IFI44L: variants seen among roughly 807,000 people sequenced by gnomAD.
IFI44L encodes the protein interferon-induced protein 44-like.
In IFI44L, 40 loss-of-function variants were observed where a neutral mutation model predicts 39.3. That is an observed-to-expected ratio of 1.02 (90% confidence interval 0.79 to 1.33). The LOEUF is 1.33. Ranked by LOEUF, IFI44L falls within the 40% of genes most tolerant of loss-of-function variation. IFI44L has a pLI of 0.00. For missense variants in IFI44L, 623 were observed against 549.0 expected, an observed-to-expected ratio of 1.13 and a Z score of -1.35; for synonymous variants, 198 against 182.3, an observed-to-expected ratio of 1.09 and a Z score of -0.69.
intron 4 of IFI44L, among the ~76,000 whole-genome samples, chr1:78,633,898 GAAAC>G (rs1241252029): frequency 6.6e-6 from 1 of 151,960 alleles, no homozygotes; most frequent in Non-Finnish European, 1.5e-5. Flanking sequence ...TTATAAAAAA[GAAAC>G]AAATTTCAGA....
chr1:78,642,005 C>T lies in IFI44L; in HGVS notation c.*196C>T, dbSNP rs1008495123. On this transcript the variant is annotated 3_prime_UTR_variant, in exon 9 of 9. Transcript: ENST00000370751. ...AAGATAGGTCCTACTGCAAACCACC[C>T]CTCCATATTTCCGTACCATTTACAA... 3.2e-6 allele frequency: 2 copies of T among 632,924 alleles called. No individual in the cohort carries two copies. Among genetic ancestry groups the T allele is most frequent in the South Asian group, 1.8e-5 (1 of 54,306 alleles). The allele number at this position is 632,924 out of a possible 1,614,324, so 39.2% of individuals were successfully genotyped here. A position where few individuals can be genotyped will look rare whatever the true frequency, so the allele number is the denominator to read the frequency against.
intron 1 of IFI44L, among the ~76,000 whole-genome samples, chr1:78,621,253 G>T (rs1225401191): frequency 6.6e-6 from 1 of 152,054 alleles, no homozygotes; most frequent in African/African-American, 2.4e-5. Flanking sequence ...TAAAGTTGAA[G>T]AAATCTATGA....
intron 1 of IFI44L, among the ~76,000 whole-genome samples, chr1:78,623,439 G>C (rs1201371346): frequency 7.6e-6 from 1 of 130,828 alleles, no homozygotes; most frequent in Non-Finnish European, 1.6e-5. Context: ...ATCATGGAAG[G>C]ACTTGGGTTT....
rs2100498942 is a variant in IFI44L at position 78,635,453 on chromosome 1, C to G, written c.840C>G (p.Pro280=). The change falls in exon 5 of 9, where the codon CCC becomes CCG. Residue 280 remains proline (P), a synonymous_variant. Transcript: ENST00000370751. ...CAGGACTGTGCATGGATGACATTCCCCACATCTTAAAAGGTTGTATGCCAG... is the reference window on the plus strand; with the variant it reads ...CAGGACTGTGCATGGATGACATTCCGCACATCTTAAAAGGTTGTATGCCAG... The part of the protein sequence containing the change: ...EGAGLCMDDI[P]HILKGCMPDR... 1.9e-6 allele frequency: 3 copies of G among 1,613,394 alleles called. No homozygotes were observed. Among genetic ancestry groups the G allele is most frequent in the East Asian group, 4.5e-5 (2 of 44,824 alleles).
chr1:78,641,419 A>T lies in IFI44L; in HGVS notation c.1150-16A>T. The stretch of plus-strand genomic sequence containing the variant: ...TTAAATACAGGACTTACACTTTTTA[A>T]ATATACTTTCCACAGGTCATGAATG... On this transcript the variant is annotated splice_polypyrimidine_tract_variant and intron_variant, in intron 7 of 8. Coordinates refer to ENST00000370751, the MANE Select transcript of IFI44L (RefSeq NM_006820.4). 6.2e-7 allele frequency: 1 copy of T among 1,606,050 alleles called. No individual in the cohort carries two copies. The highest frequency in any genetic ancestry group is 8.5e-7 in the Non-Finnish European group (1 of 1,174,564).
At chr1:78,638,914 T>A (rs1163132232) in intron 6 of IFI44L, among the ~76,000 whole-genome samples, 3 of 152,132 alleles carry the variant, frequency 2.0e-5, no homozygotes, top group African/African-American at 7.2e-5. Context: ...TTAGGTACTT[T>A]ATTTTATGAC....
chr1:78,639,536 G>T (rs1653078999), intron 6 of IFI44L, among the ~76,000 whole-genome samples: 1 of 152,034 alleles, frequency 6.6e-6, no homozygotes, highest in Admixed American at 6.6e-5. Flanking sequence ...AAGCCAATCT[G>T]GGACATATGA....
In IFI44L at chr1:78,628,812, T is replaced by C. The variant is rs150211029; in HGVS notation, c.479-139T>C. On this transcript the variant is annotated intron_variant, in intron 2 of 8. Transcript: ENST00000370751. Reference sequence around the variant, plus strand: ...AATTTTTCCTCCTCTTCCTCTCATGTTGCCAACTCTGACTCCTAACTGAGC... The same window carrying C: ...AATTTTTCCTCCTCTTCCTCTCATGCTGCCAACTCTGACTCCTAACTGAGC... 7 of 617,240 alleles carry C rather than the reference T, an allele frequency of 1.1e-5. No individual in the cohort carries two copies. In the East Asian group the frequency reaches 2.0e-4, roughly 17 times the overall value. 38.2% of individuals were successfully genotyped at this position (617,240 alleles called of 1,614,324 possible). A position where few individuals can be genotyped will look rare whatever the true frequency, so the allele number is the denominator to read the frequency against.
chr1:78,644,417 A>G lies in IFI44L; in HGVS notation c.*2608A>G, dbSNP rs962158486. ...TGCTAAAATGGACAGTATTGGCAAA[A>G]TGATACCACAACTTCTTATTCTCTG... On this transcript the variant is annotated 3_prime_UTR_variant, in exon 9 of 9. Coordinates refer to ENST00000370751, the MANE Select transcript of IFI44L (RefSeq NM_006820.4). 2 of 152,236 alleles carry G rather than the reference A, an allele frequency of 1.3e-5. No individual in the cohort carries two copies. Among genetic ancestry groups the G allele is most frequent in the Admixed American group, 1.3e-4 (2 of 15,276 alleles). The allele number at this position is 152,236 out of a possible 1,614,324, so 9.4% of individuals were successfully genotyped here.
Position 78,642,088 on chromosome 1 carries a change from T to C in IFI44L, c.*279T>C. 4.0e-6 allele frequency: 2 copies of C among 503,206 alleles called. No homozygotes were observed. The highest frequency in any genetic ancestry group is 7.0e-6 in the Non-Finnish European group (2 of 286,302). The allele number at this position is 503,206 out of a possible 1,614,324, so 31.2% of individuals were successfully genotyped here. ...GAGGAAAAATGAGATATTCTCTAAT[T>C]TATTCTTCTATAACACTCTATATAG... On this transcript the variant is annotated 3_prime_UTR_variant, in exon 9 of 9. Coordinates refer to ENST00000370751, the MANE Select transcript of IFI44L (RefSeq NM_006820.4).
At chr1:78,621,906 G>A (rs534925275) in intron 1 of IFI44L, among the ~76,000 whole-genome samples, 1 of 151,912 alleles carries the variant, frequency 6.6e-6, no homozygotes, top group Non-Finnish European at 1.5e-5. Context: ...CCATCGCTTT[G>A]AGTATTTATT....
intron 4 of IFI44L, among the ~76,000 whole-genome samples, 163 bp from the exon 5 acceptor site, chr1:78,635,174 C>T (rs1652897455): frequency 6.6e-6 from 1 of 151,938 alleles, no homozygotes; most frequent in African/African-American, 2.4e-5. Flanking sequence ...AACAACAGAT[C>T]TTTGGGATTC....
At chr1:78,635,240 G>A in intron 4 of IFI44L, 97 bp from the exon 5 acceptor site, 1 of 947,054 alleles carries the variant, frequency 1.1e-6, no homozygotes, top group South Asian at 1.6e-5. Context: ...TGAGGACCAT[G>A]GTGTTCAAAT....
Position 78,627,929 on chromosome 1 carries a change from C to T in IFI44L, c.14C>T (p.Thr5Ile), listed in dbSNP as rs375524121. The T allele has an allele frequency of 3.5e-5, 55 of 1,593,510 alleles. No homozygotes were observed. In the African/African-American group the frequency reaches 6.3e-4, roughly 18 times the overall value. ...AGATATAGAACAATGGAAGTGACAA[C>T]AAGATTGACATGGAATGATGAAAAT... MEVT[T>I]RLTWNDENHL... is the part of the protein sequence containing the mutation. Residue 5 changes from threonine (T) to isoleucine (I), a missense_variant, in exon 2 of 9, where the codon ACA becomes ATA. Physicochemically the swap from Thr to Ile is moderately conservative, Grantham distance 89 (BLOSUM62 -1). Coordinates refer to ENST00000370751, the MANE Select transcript of IFI44L (RefSeq NM_006820.4).
At chr1:78,633,277 T>C (rs1256851272) in intron 4 of IFI44L, among the ~76,000 whole-genome samples, 2 of 152,158 alleles carry the variant, frequency 1.3e-5, no homozygotes, top group Admixed American at 1.3e-4. Context: ...AATCCAGCAC[T>C]GGATAGAACC....
chr1:78,626,941 T>C (rs528721559), intron 1 of IFI44L: 1 of 152,072 alleles, frequency 6.6e-6, no homozygotes, highest in Non-Finnish European at 1.5e-5. Flanking sequence ...CATATGGTTT[T>C]TGGTTTTCTC....
intron 1 of IFI44L, among the ~76,000 whole-genome samples, chr1:78,625,335 T>C (rs1443762698): frequency 6.6e-6 from 1 of 152,128 alleles, no homozygotes; most frequent in Non-Finnish European, 1.5e-5. Flanking sequence ...AGCTATGAGA[T>C]AGTCAAATTT....
At chr1:78,624,471 T>C (rs533932630) in intron 1 of IFI44L, among the ~76,000 whole-genome samples, 1 of 152,330 alleles carries the variant, frequency 6.6e-6, no homozygotes, top group South Asian at 2.1e-4. Context: ...TTAGATTTGT[T>C]AAGACTTGTT....
intron 6 of IFI44L, among the ~76,000 whole-genome samples, chr1:78,637,429 G>A (rs1324975202): frequency 1.3e-5 from 2 of 151,880 alleles, no homozygotes; most frequent in East Asian, 1.9e-4. Flanking sequence ...TTTCGTGTGT[G>A]ATTTTCCTGA....
Sources: gnomAD v4.1 joint callset for allele counts (sites outside exome capture counted in the v4.1 genomes callset) on GRCh38, gnomAD v4.1.1 for gene constraint, MANE v1.5 for transcripts, NCBI Gene and HGNC (gene_info 2026-07-23, HGNC 2026-07-21) for gene names.